Variants in KIAA1328 observed in about 807,000 individuals in gnomAD.
KIAA1328 encodes the protein protein hinderin.
KIAA1328 carries 52 observed loss-of-function variants against 68.1 expected under a neutral mutation model. That is an observed-to-expected ratio of 0.76 (90% CI 0.61 to 0.96). KIAA1328 has a LOEUF of 0.96. Among genes scored for constraint, KIAA1328 ranks in the 40% least tolerant of loss-of-function variants. The probability of loss-of-function intolerance (pLI) is 0.00; values close to 1 mark genes in which losing one functional copy is unlikely to be tolerated. For missense variants in KIAA1328, 641 were observed against 677.6 expected (o/e 0.95, Z 0.60); for synonymous variants, 232 against 239.4 (o/e 0.97, Z 0.28).
intron 7 of KIAA1328, among the ~76,000 whole-genome samples, chr18:37,136,813 A>G (rs913812268): frequency 6.6e-6 from 1 of 152,394 alleles, no homozygotes; most frequent in East Asian, 1.9e-4. Context: ...ACATTGAAAT[A>G]GACATTAACT....
intron 4 of KIAA1328, among the ~76,000 whole-genome samples, chr18:36,878,255 A>G (rs1016409244): frequency 3.3e-5 from 5 of 152,050 alleles, no homozygotes; most frequent in African/African-American, 1.2e-4. Context: ...CTTGTCTGTA[A>G]AGGATTTTAT....
chr18:37,045,331 T>C (rs957184402), intron 6 of KIAA1328, among the ~76,000 whole-genome samples: 7 of 152,204 alleles, frequency 4.6e-5, no homozygotes, highest in Non-Finnish European at 8.8e-5. Context: ...CAGGTATTAT[T>C]AGCATGAAAA....
rs1473215828 is a variant in KIAA1328, at chr18:37,160,265, AC to A, written c.1304del (p.Pro435GlnfsTer19). 7 of 1,613,108 alleles carry A rather than the reference AC, an allele frequency of 4.3e-6. No individual in the cohort carries two copies. The highest frequency in any genetic ancestry group is 5.9e-6 in the Non-Finnish European group (7 of 1,179,638). ...GTSSSIKKHQ[D>X]PPNSGENRKE... Reference sequence around the variant, plus strand: ...TCATCATCTATTAAAAAGCACCAAGACCCCCCAAACAGTGGAGAGAATAGGA... The same window carrying A: ...TCATCATCTATTAAAAAGCACCAAGACCCCCAAACAGTGGAGAGAATAGGA... On this transcript the variant is annotated frameshift_variant, in exon 8 of 10. Transcript: ENST00000280020. LOFTEE classifies it high-confidence loss of function.
intron 1 of KIAA1328, among the ~76,000 whole-genome samples, chr18:36,829,925 T>G (rs1215635186): frequency 6.6e-6 from 1 of 152,166 alleles, no homozygotes; most frequent in Middle Eastern, 3.2e-3. Flanking sequence ...TGATGAGATG[T>G]TTGTGTGACA....
intron 6 of KIAA1328, among the ~76,000 whole-genome samples, chr18:36,989,022 T>G (rs1360744642): frequency 6.6e-6 from 1 of 152,234 alleles, no homozygotes; most frequent in Non-Finnish European, 1.5e-5. Context: ...ATCATGCTAT[T>G]GCTGTAATTG....
intron 6 of KIAA1328, among the ~76,000 whole-genome samples, chr18:37,048,098 G>A (rs2055548201): frequency 6.6e-6 from 1 of 152,046 alleles, no homozygotes; most frequent in African/African-American, 2.4e-5. Flanking sequence ...AAAATGTCCA[G>A]CATCTTAATC....
chr18:36,903,184 A>G (rs2049098851), intron 5 of KIAA1328, among the ~76,000 whole-genome samples: 1 of 152,108 alleles, frequency 6.6e-6, no homozygotes, highest in Admixed American at 6.6e-5. Flanking sequence ...CATGTTTTTC[A>G]TTTAATCATC....
At position 36,959,415 on chromosome 18, in the gene KIAA1328, G is replaced by A; in HGVS notation, c.556G>A (p.Ala186Thr). Reference sequence around the variant, plus strand: ...CATGTCTCTCTCAGAACTTGGTGCTGCTAGAATGCAGGAACAGCAGGTAAG... The same window carrying A: ...CATGTCTCTCTCAGAACTTGGTGCTACTAGAATGCAGGAACAGCAGGTAAG... Reference protein sequence around the residue: ...LTMSLSELGAARMQEQQVSSR... With the variant: ...LTMSLSELGATRMQEQQVSSR... Residue 186 changes from alanine to threonine, a missense_variant, in exon 6 of 10, where the codon GCT becomes ACT. Coordinates refer to ENST00000280020, the MANE Select transcript of KIAA1328 (RefSeq NM_020776.3). 1 of 1,609,096 alleles carries A rather than the reference G, an allele frequency of 6.2e-7. No individual in the cohort carries two copies. The highest frequency in any genetic ancestry group is 2.2e-5 in the East Asian group (1 of 44,808).
intron 5 of KIAA1328, among the ~76,000 whole-genome samples, chr18:36,910,195 C>T (rs1468801601): frequency 1.3e-5 from 2 of 151,972 alleles, no homozygotes; most frequent in African/African-American, 4.8e-5. Context: ...AAGTCCTTGC[C>T]CATGCCTATG....
chr18:37,152,436 T>C (rs2059056769), intron 7 of KIAA1328, among the ~76,000 whole-genome samples: 1 of 152,154 alleles, frequency 6.6e-6, no homozygotes, highest in Admixed American at 6.5e-5. Context: ...ACCTTTGTTC[T>C]CCCTAGTAGA....
intron 7 of KIAA1328, among the ~76,000 whole-genome samples, chr18:37,137,788 C>T (rs1339389689): frequency 6.6e-6 from 1 of 152,146 alleles, no homozygotes; most frequent in East Asian, 1.9e-4. Context: ...AAACTTAATT[C>T]ATTCCCATGG....
intron 4 of KIAA1328, among the ~76,000 whole-genome samples, chr18:36,845,752 CAA>C (rs1421530163): frequency 4.0e-5 from 6 of 151,542 alleles, no homozygotes; most frequent in African/African-American, 1.5e-4. Flanking sequence ...GCGAATGAAA[CAA>C]AGAGTCTAGA....
chr18:37,055,537 A>G (rs1015835579), intron 6 of KIAA1328, among the ~76,000 whole-genome samples: 4 of 152,192 alleles, frequency 2.6e-5, no homozygotes, highest in Non-Finnish European at 5.9e-5. Context: ...ATTTGGGATG[A>G]GACTTTGGCA....
chr18:37,089,481 TCTC>T (rs1042619869), intron 7 of KIAA1328, among the ~76,000 whole-genome samples: 1 of 150,228 alleles, frequency 6.7e-6, no homozygotes, highest in Non-Finnish European at 1.5e-5. Context: ...TTCAAGCAAT[TCTC>T]CTGTTTTGGC....
At chr18:37,109,211 C>G (rs556560077) in intron 7 of KIAA1328, among the ~76,000 whole-genome samples, 1 of 152,230 alleles carries the variant, frequency 6.6e-6, no homozygotes, top group Non-Finnish European at 1.5e-5. Flanking sequence ...CAAGTCTTTG[C>G]TATTGTGAAT....
At chr18:37,229,455 T>C (rs923980991), downstream of KIAA1328, 44 of 734,324 alleles carry the variant, frequency 6.0e-5, no homozygotes, top group Non-Finnish European at 8.1e-5. Context: ...ATAATGAAAA[T>C]GAAGTTTAGC....
intron 4 of KIAA1328, among the ~76,000 whole-genome samples, chr18:36,864,592 T>TA (rs1374898211): frequency 1.9e-5 from 2 of 105,448 alleles, no homozygotes; most frequent in Non-Finnish European, 3.7e-5. Context: ...AAGTGGTCAG[T>TA]AGTTTTTTTT....
intron 9 of KIAA1328, among the ~76,000 whole-genome samples, chr18:37,194,137 T>C (rs890772228): frequency 6.6e-6 from 1 of 152,188 alleles, no homozygotes; most frequent in Non-Finnish European, 1.5e-5. Flanking sequence ...TTCCTAGAAA[T>C]GGAATTGTGG....
chr18:36,871,611 G>C (rs1334849457), intron 4 of KIAA1328, among the ~76,000 whole-genome samples: 5 of 152,004 alleles, frequency 3.3e-5, no homozygotes, highest in Non-Finnish European at 7.4e-5. Flanking sequence ...CAAGTAGGTA[G>C]GTATGTGTAA....
Sources: allele counts gnomAD v4.1 joint callset (sites outside exome capture counted in the v4.1 genomes callset), GRCh38; gene constraint gnomAD v4.1.1; transcripts MANE v1.5; gene names NCBI Gene and HGNC (gene_info 2026-07-23, HGNC 2026-07-21).